RARB: variants seen among roughly 807,000 people sequenced by gnomAD.
RARB encodes the protein retinoic acid receptor beta.
In RARB, 17 loss-of-function variants were observed where a neutral mutation model predicts 51.9. The ratio of observed to expected loss-of-function variants is 0.33; its 90% CI spans 0.22 to 0.49. RARB has a LOEUF of 0.49. RARB is among the 20% of genes least tolerant of loss of function. The pLI, the probability that RARB is intolerant of heterozygous loss-of-function variation, is 0.99. For synonymous variants in RARB, 215 were observed against 195.4 expected, an observed-to-expected ratio of 1.10 and a Z score of -0.84; for missense variants, 369 against 550.8, an observed-to-expected ratio of 0.67 and a Z score of 3.30.
intron 2 of RARB, among the ~76,000 whole-genome samples, chr3:24,996,622 T>G (rs77703320): frequency 1.1e-3 from 162 of 152,276 alleles, no homozygotes; most frequent in Non-Finnish European, 1.8e-3. Flanking sequence ...TAGCTTTTGC[T>G]GTATCCCATA....
chr3:25,567,339 C>T (rs956443230), intron 3 of RARB, among the ~76,000 whole-genome samples: 66 of 152,288 alleles, frequency 4.3e-4, no homozygotes, highest in Admixed American at 2.6e-4. Flanking sequence ...CTGACAGCCA[C>T]GAGTCTACTT....
At chr3:24,837,521 T>C (rs1056686522) in intron 1 of RARB, among the ~76,000 whole-genome samples, 1 of 152,236 alleles carries the variant, frequency 6.6e-6, no homozygotes, top group African/African-American at 2.4e-5. Flanking sequence ...AGTAGATAGC[T>C]TTTTGCTTGC....
intron 3 of RARB, among the ~76,000 whole-genome samples, chr3:25,530,688 A>C (rs1284758315): frequency 1.3e-5 from 2 of 152,170 alleles, no homozygotes; most frequent in Admixed American, 1.3e-4. Flanking sequence ...ATTTTCCAGG[A>C]TAATCTTATT....
intron 1 of RARB, among the ~76,000 whole-genome samples, chr3:25,431,317 C>G (rs1708198666): frequency 6.6e-6 from 1 of 151,958 alleles, no homozygotes; most frequent in Non-Finnish European, 1.5e-5. Flanking sequence ...GAACATGGAG[C>G]ACACCATCAC....
At chr3:25,040,075 A>G (rs980433061) in intron 2 of RARB, among the ~76,000 whole-genome samples, 3 of 152,176 alleles carry the variant, frequency 2.0e-5, no homozygotes, top group African/African-American at 7.2e-5. Flanking sequence ...AGGGGCATTC[A>G]TGGTAATGTG....
At chr3:25,307,436 T>C (rs1001714362) in intron 5 of RARB, among the ~76,000 whole-genome samples, 3 of 152,142 alleles carry the variant, frequency 2.0e-5, no homozygotes, top group African/African-American at 7.2e-5. Flanking sequence ...TGGCATAGTC[T>C]TGATGTGATT....
chr3:25,110,628 C>CTGTAGCTG (rs1194231583), intron 3 of RARB, among the ~76,000 whole-genome samples: 3 of 152,166 alleles, frequency 2.0e-5, no homozygotes, highest in Non-Finnish European at 4.4e-5. Flanking sequence ...GTAGCTACAG[C>CTGTAGCTG]TAGCCTCCGA....
intron 5 of RARB, among the ~76,000 whole-genome samples, chr3:25,583,849 A>T (rs1701282976): frequency 6.6e-6 from 1 of 152,192 alleles, no homozygotes; most frequent in African/African-American, 2.4e-5. Context: ...CAGCCTCTTC[A>T]TAACCACTGC....
At chr3:25,574,027 C>T (rs1339729262) in intron 4 of RARB, among the ~76,000 whole-genome samples, 8 of 152,126 alleles carry the variant, frequency 5.3e-5, no homozygotes, top group Admixed American at 5.2e-4. Flanking sequence ...AATGACCCTC[C>T]GCCGCCATAA....
At chr3:25,255,788 G>T (rs1702849684) in intron 5 of RARB, among the ~76,000 whole-genome samples, 1 of 151,966 alleles carries the variant, frequency 6.6e-6, no homozygotes. Context: ...TATAATTTTT[G>T]AAAACAATAG....
At chr3:24,907,580 G>C (rs1365854653) in intron 2 of RARB, among the ~76,000 whole-genome samples, 1 of 152,188 alleles carries the variant, frequency 6.6e-6, no homozygotes, top group Non-Finnish European at 1.5e-5. Flanking sequence ...CTGAGTGGAA[G>C]TATGGTTAGT....
At chr3:24,860,173 G>A (rs1046893203) in intron 2 of RARB, among the ~76,000 whole-genome samples, 3 of 152,154 alleles carry the variant, frequency 2.0e-5, no homozygotes, top group Non-Finnish European at 4.4e-5. Context: ...TTGGGGGTAG[G>A]CATCATATCT....
chr3:24,927,405 G>A (rs1050122158), intron 2 of RARB, among the ~76,000 whole-genome samples: 4 of 151,998 alleles, frequency 2.6e-5, no homozygotes, highest in Non-Finnish European at 5.9e-5. Context: ...TATTTTGTAA[G>A]GCAATCCTGT....
At chr3:25,049,536 A>G (rs1324929258) in intron 2 of RARB, among the ~76,000 whole-genome samples, 1 of 152,234 alleles carries the variant, frequency 6.6e-6, no homozygotes, top group Non-Finnish European at 1.5e-5. Context: ...TGTGAGATTC[A>G]TAAAGGCAGG....
chr3:25,453,764 G>A (rs943856019), intron 1 of RARB, among the ~76,000 whole-genome samples: 2 of 152,036 alleles, frequency 1.3e-5, no homozygotes, highest in African/African-American at 4.8e-5. Flanking sequence ...TGGTGACCCC[G>A]GCAAACACAC....
chr3:25,364,191 G>A (rs1180128271), intron 5 of RARB, among the ~76,000 whole-genome samples: 2 of 151,954 alleles, frequency 1.3e-5, no homozygotes, highest in East Asian at 1.9e-4. Context: ...TTCCAAAAGG[G>A]CAGGATCCTT....
At chr3:25,097,821 T>C (rs1305183278) in intron 3 of RARB, among the ~76,000 whole-genome samples, 1 of 152,132 alleles carries the variant, frequency 6.6e-6, no homozygotes, top group Non-Finnish European at 1.5e-5. Context: ...CGGGAGTGTA[T>C]TTTTTGGAGG....
At position 25,430,045 on chromosome 3, in the gene RARB, T is replaced by C. The variant is rs4376002; in HGVS notation, c.157+1157T>C. Among the ~76,000 whole-genome samples the C allele has an allele frequency of 6.9e-4, 105 of 152,318 alleles. No homozygotes were observed. In the South Asian group the frequency reaches 0.012, roughly 17 times the overall value. On this transcript the variant is annotated intron_variant, in intron 1 of 7. Coordinates refer to ENST00000330688, the MANE Select transcript of RARB (RefSeq NM_000965.5). ...AGAGGGGACAATGACAGGATTTAAA[T>C]TGCCCTCTCTGAAACTTTTTCTTAA...
chr3:25,473,933 A>AAAAAAAAAAG (rs58599595), intron 2 of RARB, among the ~76,000 whole-genome samples: 6 of 150,884 alleles, frequency 4.0e-5, no homozygotes, highest in Non-Finnish European at 8.9e-5. Flanking sequence ...AAAAAAAAAA[A>AAAAAAAAAAG]CCTTTATCTT....
Sources: allele counts gnomAD v4.1 joint callset (sites outside exome capture counted in the v4.1 genomes callset), GRCh38; gene constraint gnomAD v4.1.1; transcripts MANE v1.5; gene names NCBI Gene and HGNC (gene_info 2026-07-23, HGNC 2026-07-21).